SLC26A7: variants seen among roughly 807,000 people sequenced by gnomAD.
SLC26A7 encodes the protein solute carrier family 26 member 7, also known as anion exchange transporter.
In SLC26A7, 59 loss-of-function variants were observed where a neutral mutation model predicts 82.5. The ratio of observed to expected loss-of-function variants is 0.72; its 90% CI spans 0.58 to 0.89. The LOEUF is 0.89. SLC26A7 is among the 40% of genes least tolerant of loss of function. SLC26A7 has a pLI of 0.00. For missense variants in SLC26A7, 820 were observed against 793.0 expected (o/e 1.03, Z -0.41); for synonymous variants, 271 against 274.3 (o/e 0.99, Z 0.12).
At chr8:91,355,997 C>G (rs912048267) in intron 11 of SLC26A7, among the ~76,000 whole-genome samples, 1 of 151,974 alleles carries the variant, frequency 6.6e-6, no homozygotes, top group African/African-American at 2.4e-5. Context: ...TTTGTCCTTG[C>G]GATAGTTTGC....
At chr8:91,339,386 A>T (rs1289578256) in intron 7 of SLC26A7, among the ~76,000 whole-genome samples, 2 of 152,154 alleles carry the variant, frequency 1.3e-5, no homozygotes, top group Admixed American at 6.6e-5. Context: ...CATGGCTTTG[A>T]ACAGAAGTGG....
chr8:91,365,132 A>G (rs1814156137), intron 13 of SLC26A7, among the ~76,000 whole-genome samples: 1 of 152,090 alleles, frequency 6.6e-6, no homozygotes, highest in South Asian at 2.1e-4. Context: ...CTTTTCTAGA[A>G]CAATTTGAAT....
rs745528172 is a variant in SLC26A7 at position 91,351,825 on chromosome 8, T to G, written c.1156T>G (p.Ser386Ala). ...TATTTTACAGGTGGCTTGTCTAATA[T>G]CTTGCATTTTCGTCCTTATAGTCAT... ...GAKTQVACLI[S>A]CIFVLIVIYA... Residue 386 changes from serine to alanine, a missense_variant, in exon 10 of 19, where the codon TCT (serine) becomes GCT (alanine). Transcript: ENST00000276609. The G allele has an allele frequency of 2.5e-5, 41 of 1,611,908 alleles. No homozygotes were observed. Among genetic ancestry groups the G allele is most frequent in the South Asian group, 2.0e-4 (18 of 91,018 alleles).
intron 11 of SLC26A7, among the ~76,000 whole-genome samples, chr8:91,359,874 A>ATGTGTG (rs1813998376): frequency 8.0e-6 from 1 of 124,560 alleles, no homozygotes; most frequent in African/African-American, 3.7e-5. Flanking sequence ...ATTATCCAAG[A>ATGTGTG]TATGTGTGTG....
chr8:91,285,198 G>T (rs557915962), intron 2 of SLC26A7, among the ~76,000 whole-genome samples: 1 of 152,248 alleles, frequency 6.6e-6, no homozygotes, highest in Non-Finnish European at 1.5e-5. Flanking sequence ...ATGTTCACAC[G>T]CCTTCATTTT....
At chr8:91,377,815 G>A (rs1814559361) in intron 15 of SLC26A7, among the ~76,000 whole-genome samples, 1 of 152,130 alleles carries the variant, frequency 6.6e-6, no homozygotes, top group South Asian at 2.1e-4. Context: ...AGACTTTGCT[G>A]CTTTTTAAGT....
chr8:91,218,829 T>C, intron 1 of SLC26A7: 1 of 1,071,238 alleles, frequency 9.3e-7, no homozygotes, highest in South Asian at 1.6e-5. Flanking sequence ...CAAATATTTA[T>C]TTTAATGAAA....
intron 5 of SLC26A7, among the ~76,000 whole-genome samples, chr8:91,329,874 T>C (rs541811790): frequency 1.1e-3 from 167 of 152,234 alleles, no homozygotes; most frequent in African/African-American, 3.8e-3. Context: ...CATTTTGGAT[T>C]TTTATCCTGG....
At chr8:91,228,577 T>C (rs1019435127) in intron 2 of SLC26A7, among the ~76,000 whole-genome samples, 19 of 152,310 alleles carry the variant, frequency 1.2e-4, no homozygotes, top group African/African-American at 4.6e-4. Flanking sequence ...GGCCACTTTA[T>C]GGGAAGTTAC....
intron 16 of SLC26A7, among the ~76,000 whole-genome samples, 188 bp from the exon 17 acceptor site, chr8:91,393,606 CCTG>C (rs2130910133): frequency 6.6e-6 from 1 of 152,066 alleles, no homozygotes; most frequent in Non-Finnish European, 1.5e-5. Context: ...AGGTAGATGC[CCTG>C]CTGTATTAAT....
At chr8:91,331,755 C>A (rs1241587753) in intron 5 of SLC26A7, among the ~76,000 whole-genome samples, 1 of 152,062 alleles carries the variant, frequency 6.6e-6, no homozygotes, top group Non-Finnish European at 1.5e-5. Context: ...AGTATTGCAA[C>A]AATTTATACT....
chr8:91,210,945 G>A (rs1452754248), intron 1 of SLC26A7, among the ~76,000 whole-genome samples: 1 of 152,046 alleles, frequency 6.6e-6, no homozygotes, highest in Non-Finnish European at 1.5e-5. Context: ...ACACATTTTG[G>A]TAAAACTATA....
intron 2 of SLC26A7, among the ~76,000 whole-genome samples, chr8:91,279,700 T>C (rs537079477): frequency 3.3e-5 from 5 of 151,984 alleles, no homozygotes; most frequent in East Asian, 3.9e-4. Context: ...GCTGGGACTA[T>C]AGGCGTCCAC....
intron 11 of SLC26A7, among the ~76,000 whole-genome samples, chr8:91,358,701 A>G (rs1033217960): frequency 2.6e-5 from 4 of 152,186 alleles, no homozygotes; most frequent in Non-Finnish European, 5.9e-5. Flanking sequence ...TCCAACATAG[A>G]CTGGATTAAG....
Position 91,369,824 on chromosome 8 carries a change from A to G in SLC26A7, c.1666A>G (p.Asn556Asp), listed in dbSNP as rs1814304120. The change falls in exon 15 of 19, where the codon AAC (asparagine) becomes GAC (aspartate). Residue 556 changes from asparagine to aspartate, a missense_variant. Coordinates refer to ENST00000276609, the MANE Select transcript of SLC26A7 (RefSeq NM_052832.4). ...ATTGCTTAATTCCCTATCCAATGGC[A>G]ACTGCAATGGTGAGTTAGCTTTAAG... is the stretch of plus-strand genomic sequence containing the variant. Reference protein sequence around the residue: ...NTLLNSLSNGNCNEEASQSCP... With the variant: ...NTLLNSLSNGDCNEEASQSCP... 6.2e-7 allele frequency: 1 copy of G among 1,604,452 alleles called. No individual in the cohort carries two copies.
intron 15 of SLC26A7, among the ~76,000 whole-genome samples, chr8:91,382,498 G>A (rs776275685): frequency 6.6e-6 from 1 of 152,072 alleles, no homozygotes; most frequent in Non-Finnish European, 1.5e-5. Context: ...TAATAGAGAA[G>A]TAAAATATAT....
intron 2 of SLC26A7, among the ~76,000 whole-genome samples, chr8:91,239,398 ATATATATATATATGTATATG>A (rs201573144): frequency 0.29 from 29,294 of 101,640 alleles, 4,266 homozygotes; most frequent in South Asian, 0.43. Context: ...AAAAAAAAAT[ATATATATATATATGTATATG>A]TATATATATG....
chr8:91,392,253 A>G (rs1384069921), intron 16 of SLC26A7, among the ~76,000 whole-genome samples: 1 of 152,146 alleles, frequency 6.6e-6, no homozygotes, highest in Non-Finnish European at 1.5e-5. Context: ...TTATGGTTAC[A>G]GTAACAGCGT....
chr8:91,358,086 C>T (rs143981926), intron 11 of SLC26A7, among the ~76,000 whole-genome samples: 4,508 of 152,106 alleles, frequency 0.03, 223 homozygotes, highest in African/African-American at 0.1. Flanking sequence ...GTTAGAATGG[C>T]GATCATTAAA....
Sources: gnomAD v4.1 joint callset for allele counts (sites outside exome capture counted in the v4.1 genomes callset) on GRCh38, gnomAD v4.1.1 for gene constraint, MANE v1.5 for transcripts, NCBI Gene and HGNC (gene_info 2026-07-23, HGNC 2026-07-21) for gene names.